Variants in TRIM4 observed in about 807,000 individuals in gnomAD.
TRIM4 encodes tripartite motif containing 4, also known as E3 ubiquitin-protein ligase TRIM4.
A neutral mutation model predicts 33.7 loss-of-function variants in TRIM4; 29 were observed. The ratio of observed to expected loss-of-function variants is 0.86; its 90% CI spans 0.64 to 1.17. The LOEUF is 1.17. Ranked by LOEUF, TRIM4 falls within the 50% of genes most tolerant of loss-of-function variation. TRIM4 has a pLI of 0.00. For missense variants in TRIM4, 554 were observed against 593.7 expected, an observed-to-expected ratio of 0.93 and a Z score of 0.69; for synonymous variants, 224 against 233.0, an observed-to-expected ratio of 0.96 and a Z score of 0.35.
In TRIM4 at chr7:99,919,107, C is replaced by T. The variant is rs948087578; in HGVS notation, c.295G>A (p.Glu99Lys). The T allele has an allele frequency of 2.6e-5, 40 of 1,527,392 alleles. No individual in the cohort carries two copies. Among genetic ancestry groups the T allele is most frequent in the Non-Finnish European group, 3.3e-5 (38 of 1,137,412 alleles). 94.6% of individuals were successfully genotyped at this position (1,527,392 alleles called of 1,614,324 possible). ...RHWEPLRLFC[E>K]DDQRPVCLVC... is the part of the protein sequence containing the mutation. ...AGGCACACTGGCCGCTGGTCGTCCTCGCAGAAGAGCCGCAGCGGCTCCCAG... is the reference window on the plus strand; with the variant it reads ...AGGCACACTGGCCGCTGGTCGTCCTTGCAGAAGAGCCGCAGCGGCTCCCAG... Residue 99 changes from glutamate (E) to lysine (K), a missense_variant, in exon 1 of 6, where the codon GAG (glutamate) becomes AAG (lysine). Glu to Lys is a moderately conservative substitution (Grantham distance 56). Around this residue, in one of 3 missense-constraint regions of TRIM4, gnomAD observed 233 missense variants for 203.1 expected, o/e 1.15. Transcript: ENST00000349062.
Position 99,892,172 on chromosome 7 carries a change from A to G in TRIM4, c.1416T>C (p.Asp472=), listed in dbSNP as rs1417323814. 1 of 1,605,782 alleles carries G rather than the reference A, an allele frequency of 6.2e-7. No homozygotes were observed. The highest frequency in any genetic ancestry group is 8.5e-7 in the Non-Finnish European group (1 of 1,176,350). ...CAGGGGAAGAAAAGCCTCATTTCCT[A>G]TCAGTCACTGGTGGAATGACTAAAG... The part of the protein sequence containing the change: ...LASLVIPPVT[D]RK The change falls in exon 6 of 6, where the codon GAT becomes GAC. Residue 472 remains aspartate, a synonymous_variant. Transcript: ENST00000349062.
rs976557632 is a variant in TRIM4 at position 99,908,654 on chromosome 7, A to C, written c.648T>G (p.Thr216=). ...AGATGAGCTTCTTCAATGAAGCGATAGTTTGATTGAGTTTTAACGTGTTCT... is the reference window on the plus strand; with the variant it reads ...AGATGAGCTTCTTCAATGAAGCGATCGTTTGATTGAGTTTTAACGTGTTCT... The part of the protein sequence containing the change: ...LNENTLKLNQ[T]IASLKKLILE... The change falls in exon 3 of 6, where the codon ACT becomes ACG. Residue 216 remains threonine, a synonymous_variant. Coordinates refer to ENST00000349062, the MANE Select transcript of TRIM4 (RefSeq NM_033091.3). 1 of 1,614,110 alleles carries C rather than the reference A, an allele frequency of 6.2e-7. No individual in the cohort carries two copies. Among genetic ancestry groups the C allele is most frequent in the South Asian group, 1.1e-5 (1 of 91,078 alleles).
chr7:99,916,302 C>T (rs1340017123), intron 1 of TRIM4, among the ~76,000 whole-genome samples: 1 of 152,122 alleles, frequency 6.6e-6, no homozygotes, highest in Non-Finnish European at 1.5e-5. Flanking sequence ...CCTTTTTTTA[C>T]TCTCTATGTG....
At chr7:99,905,434 TTAA>T (rs1819278622) in intron 3 of TRIM4, among the ~76,000 whole-genome samples, 1 of 152,224 alleles carries the variant, frequency 6.6e-6, no homozygotes, top group Non-Finnish European at 1.5e-5. Context: ...ATTCCTGTTT[TTAA>T]TAATAGAAAC....
chr7:99,898,431 T>C (rs977294736), intron 5 of TRIM4, among the ~76,000 whole-genome samples: 15 of 152,254 alleles, frequency 9.9e-5, no homozygotes, highest in African/African-American at 3.1e-4. Flanking sequence ...GCACAGTAAC[T>C]GTCTCCACGT....
At chr7:99,894,980 G>A (rs1016982208) in intron 5 of TRIM4, among the ~76,000 whole-genome samples, 2 of 152,084 alleles carry the variant, frequency 1.3e-5, no homozygotes, top group Middle Eastern at 3.2e-3. Context: ...TTTGATTAAA[G>A]GTGTGTCAAT....
chr7:99,919,131 A>C lies in TRIM4; in HGVS notation c.271T>G (p.Trp91Gly). ...PVPPGLCGRH[W>G]EPLRLFCEDD... ...TCGCAGAAGAGCCGCAGCGGCTCCC[A>C]GTGGCGGCCGCACAGGCCCGGGGGC... is the stretch of plus-strand genomic sequence containing the variant. Residue 91 changes from tryptophan to glycine, a missense_variant, in exon 1 of 6, where the codon TGG (tryptophan) becomes GGG (glycine). By Grantham distance (184) the Trp-to-Gly change is radical. This residue lies in a region of TRIM4 where 233 missense variants were observed against 203.1 expected (regional missense o/e 1.15). Transcript: ENST00000349062. The C allele has an allele frequency of 1.3e-6, 2 of 1,513,588 alleles. No homozygotes were observed. Among genetic ancestry groups the C allele is most frequent in the Non-Finnish European group, 8.9e-7 (1 of 1,129,720 alleles). The allele number at this position is 1,513,588 out of a possible 1,614,324, so 93.8% of individuals were successfully genotyped here. A position where few individuals can be genotyped will look rare whatever the true frequency, so the allele number is the denominator to read the frequency against.
chr7:99,909,131 A>AGG (rs1336826508), intron 2 of TRIM4, among the ~76,000 whole-genome samples: 1,329 of 101,346 alleles, frequency 0.013, 23 homozygotes, highest in African/African-American at 0.041. Context: ...TAGGAGTGTG[A>AGG]GGGTGTGTGT....
chr7:99,906,520 T>G (rs1269368832), intron 3 of TRIM4, among the ~76,000 whole-genome samples: 1 of 152,154 alleles, frequency 6.6e-6, no homozygotes, highest in Non-Finnish European at 1.5e-5. Context: ...TTTATTTTAT[T>G]ATGACAATAA....
intron 5 of TRIM4, among the ~76,000 whole-genome samples, chr7:99,896,435 T>C (rs1476066694): frequency 6.6e-6 from 1 of 152,156 alleles, no homozygotes; most frequent in Non-Finnish European, 1.5e-5. Flanking sequence ...TAGGAGCAGG[T>C]TGCTAAGTGA....
At chr7:99,896,437 G>T (rs1175635887) in intron 5 of TRIM4, among the ~76,000 whole-genome samples, 1 of 152,192 alleles carries the variant, frequency 6.6e-6, no homozygotes, top group Non-Finnish European at 1.5e-5. Flanking sequence ...GGAGCAGGTT[G>T]CTAAGTGAAA....
chr7:99,919,493 G>C lies in TRIM4; in HGVS notation c.-92C>G. 7.4e-7 allele frequency: 1 copy of C among 1,346,420 alleles called. No homozygotes were observed. Among genetic ancestry groups the C allele is most frequent in the Middle Eastern group, 2.6e-4 (1 of 3,882 alleles). 83.4% of individuals were successfully genotyped at this position (1,346,420 alleles called of 1,614,324 possible). On this transcript the variant is annotated 5_prime_UTR_variant, in exon 1 of 6. Coordinates refer to ENST00000349062, the MANE Select transcript of TRIM4 (RefSeq NM_033091.3). Reference sequence around the variant, plus strand: ...GCCGCGGGGAGGCCAGACGACTTCCGAACCGCCGTCACCGCCTCACGTAAA... The same window carrying C: ...GCCGCGGGGAGGCCAGACGACTTCCCAACCGCCGTCACCGCCTCACGTAAA...
intron 5 of TRIM4, among the ~76,000 whole-genome samples, chr7:99,896,267 G>A (rs1438611514): frequency 2.0e-5 from 3 of 152,074 alleles, no homozygotes; most frequent in Non-Finnish European, 4.4e-5. Context: ...GTAGAATGTG[G>A]GTTCACACTT....
rs985560297 is a variant in TRIM4 at position 99,892,502 on chromosome 7, A to G, written c.1086T>C (p.Asp362=). The G allele has an allele frequency of 9.3e-6, 15 of 1,614,010 alleles. No homozygotes were observed. The highest frequency in any genetic ancestry group is 4.0e-5 in the African/African-American group (3 of 74,890). The change falls in exon 6 of 6, where the codon GAT becomes GAC. Residue 362 remains aspartate, a synonymous_variant. Coordinates refer to ENST00000349062, the MANE Select transcript of TRIM4 (RefSeq NM_033091.3). ...ACACCCCAACAGCAACCTCCAGACTATCTCTACTCTCAACTTCCCAGTAAT... is the reference window on the plus strand; with the variant it reads ...ACACCCCAACAGCAACCTCCAGACTGTCTCTACTCTCAACTTCCCAGTAAT... ...GKHYWEVESR[D]SLEVAVGVCR...
chr7:99,899,039 A>C (rs1819093150), intron 5 of TRIM4, among the ~76,000 whole-genome samples: 1 of 152,180 alleles, frequency 6.6e-6, no homozygotes, highest in South Asian at 2.1e-4. Flanking sequence ...TGACGTGATA[A>C]GAATGTGGGG....
Position 99,918,998 on chromosome 7 carries a change from G to T in TRIM4, c.393+11C>A. 6.3e-7 allele frequency: 1 copy of T among 1,582,480 alleles called. No individual in the cohort carries two copies. The highest frequency in any genetic ancestry group is 2.4e-5 in the East Asian group (1 of 41,494). ...ACAGCCCCGTCATAGTCACCGCGACGGCCAGCTCACCCGGTAGCTCTCGAA... is the reference window on the plus strand; with the variant it reads ...ACAGCCCCGTCATAGTCACCGCGACTGCCAGCTCACCCGGTAGCTCTCGAA... On this transcript the variant is annotated intron_variant, in intron 1 of 5. Coordinates refer to ENST00000349062, the MANE Select transcript of TRIM4 (RefSeq NM_033091.3).
intron 1 of TRIM4, among the ~76,000 whole-genome samples, chr7:99,915,147 C>T (rs974315519): frequency 1.3e-5 from 2 of 152,158 alleles, no homozygotes; most frequent in African/African-American, 4.8e-5. Context: ...AGCATGCCAT[C>T]ACCATCTGTG....
rs903949235 is a variant in TRIM4 at position 99,919,115 on chromosome 7, A to C, written c.287T>G (p.Leu96Arg). 8 of 1,522,828 alleles carry C rather than the reference A, an allele frequency of 5.3e-6. No individual in the cohort carries two copies. The highest frequency in any genetic ancestry group is 2.1e-5 in the Admixed American group (1 of 48,058). The allele number at this position is 1,522,828 out of a possible 1,614,324, so 94.3% of individuals were successfully genotyped here. The change falls in exon 1 of 6, where the codon CTC becomes CGC. Residue 96 changes from leucine to arginine, a missense_variant. Physicochemically the swap from Leu to Arg is moderately radical, Grantham distance 102 (BLOSUM62 -2). This residue lies in a region of TRIM4 where 233 missense variants were observed against 203.1 expected (regional missense o/e 1.15). Coordinates refer to ENST00000349062, the MANE Select transcript of TRIM4 (RefSeq NM_033091.3). ...LCGRHWEPLR[L>R]FCEDDQRPVC... Reference sequence around the variant, plus strand: ...TGGCCGCTGGTCGTCCTCGCAGAAGAGCCGCAGCGGCTCCCAGTGGCGGCC... The same window carrying C: ...TGGCCGCTGGTCGTCCTCGCAGAAGCGCCGCAGCGGCTCCCAGTGGCGGCC...
chr7:99,905,409 G>A (rs1313662406), intron 3 of TRIM4, among the ~76,000 whole-genome samples: 1 of 152,154 alleles, frequency 6.6e-6, no homozygotes, highest in Non-Finnish European at 1.5e-5. Flanking sequence ...CACCCAAAAA[G>A]ATATGTTCAC....
Sources: allele counts gnomAD v4.1 joint callset (sites outside exome capture counted in the v4.1 genomes callset), GRCh38; gene constraint gnomAD v4.1.1; regional missense constraint gnomAD v4.1.1; transcripts MANE v1.5; gene names NCBI Gene and HGNC (gene_info 2026-07-23, HGNC 2026-07-21).